The following BNIP1 variants were observed in gnomAD, a reference collection of about 807,000 sequenced individuals.
BNIP1 encodes the protein BCL2 interacting protein 1, also known as vesicle transport protein SEC20.
In BNIP1, 25 loss-of-function variants were observed where a neutral mutation model predicts 28.5. The ratio of observed to expected loss-of-function variants is 0.88; its 90% CI spans 0.64 to 1.23. The LOEUF is 1.23. BNIP1 is among the 50% of genes most tolerant of loss of function. The pLI, the probability that BNIP1 is intolerant of heterozygous loss-of-function variation, is 0.00. For synonymous variants in BNIP1, 118 were observed against 101.7 expected (o/e 1.16, Z -0.96); for missense variants, 276 against 277.0 (o/e 1.00, Z 0.02).
intron 3 of BNIP1, 141 bp downstream of exon 3, chr5:173,154,554 G>A (rs1272640743): frequency 6.4e-5 from 41 of 644,414 alleles, no homozygotes; most frequent in Non-Finnish European, 1.0e-4. Context: ...ACGGTGTCTC[G>A]CTCTATTGCC....
chr5:173,148,135 T>G (rs1177017530), intron 2 of BNIP1, among the ~76,000 whole-genome samples: 1 of 112,064 alleles, frequency 8.9e-6, no homozygotes, highest in Admixed American at 1.0e-4. Context: ...TATATATATA[T>G]ATTTTAATAG....
chr5:173,157,506 C>T (rs1313753088), intron 3 of BNIP1, among the ~76,000 whole-genome samples: 1 of 151,972 alleles, frequency 6.6e-6, no homozygotes, highest in Admixed American at 6.5e-5. Flanking sequence ...CCTCTGCCTC[C>T]TAGATTCAAG....
chr5:173,163,925 C>T lies in BNIP1; in HGVS notation c.*4C>T, dbSNP rs1373627053. On this transcript the variant is annotated 3_prime_UTR_variant, in exon 6 of 6. Coordinates refer to ENST00000351486, the MANE Select transcript of BNIP1 (RefSeq NM_001205.3). ...GCGGCTCTTTCCATTTTTGTGAGAT[C>T]CCAAAGGTGCCAGTTCTGGCCCTTT... The T allele has an allele frequency of 3.1e-6, 5 of 1,596,314 alleles. No homozygotes were observed. In the South Asian group the frequency reaches 3.4e-5, roughly 11 times the overall value.
chr5:173,156,066 G>A (rs1242821873), intron 3 of BNIP1, among the ~76,000 whole-genome samples: 6 of 152,186 alleles, frequency 3.9e-5, no homozygotes, highest in African/African-American at 1.4e-4. Context: ...GGAAGACACC[G>A]ACTGGCAAAA....
At chr5:173,155,486 G>A (rs188545464) in intron 3 of BNIP1, among the ~76,000 whole-genome samples, 6 of 152,312 alleles carry the variant, frequency 3.9e-5, no homozygotes, top group Non-Finnish European at 8.8e-5. Flanking sequence ...AGATCATGAG[G>A]TCAGGAGTTC....
chr5:173,147,462 A>C (rs1477063408), intron 2 of BNIP1, among the ~76,000 whole-genome samples: 1 of 151,882 alleles, frequency 6.6e-6, no homozygotes, highest in Non-Finnish European at 1.5e-5. Context: ...TGAACGAGTG[A>C]ATGGCAGGAA....
At chr5:173,156,729 G>A (rs1760202747) in intron 3 of BNIP1, among the ~76,000 whole-genome samples, 1 of 149,718 alleles carries the variant, frequency 6.7e-6, no homozygotes, top group East Asian at 2.0e-4. Context: ...CTCACTGCAA[G>A]CTCCACCTCC....
chr5:173,147,100 C>G, intron 2 of BNIP1, 142 bp downstream of exon 2: 1 of 632,904 alleles, frequency 1.6e-6, no homozygotes, highest in South Asian at 2.2e-5. Context: ...CTAACCTGCT[C>G]TCCAGGTAAA....
At position 173,159,787 on chromosome 5, in the gene BNIP1, A is replaced by G. The variant is rs1207301421; in HGVS notation, c.372-146A>G. 4.0e-6 allele frequency: 3 copies of G among 746,048 alleles called. No homozygotes were observed. The African/African-American group carries it at 5.3e-5, about 13-fold the overall frequency. 46.2% of individuals were successfully genotyped at this position (746,048 alleles called of 1,614,324 possible). A position where few individuals can be genotyped will look rare whatever the true frequency, so the allele number is the denominator to read the frequency against. ...AGTCCACAGGGGCGTGGGTCTCAGC[A>G]CACCCTTTCCAGCATTGAATGTGAT... On this transcript the variant is annotated intron_variant, in intron 4 of 5. Coordinates refer to ENST00000351486, the MANE Select transcript of BNIP1 (RefSeq NM_001205.3).
At chr5:173,157,423 T>TA (rs1441546455) in intron 3 of BNIP1, among the ~76,000 whole-genome samples, 7 of 152,112 alleles carry the variant, frequency 4.6e-5, no homozygotes, top group African/African-American at 1.7e-4. Flanking sequence ...AACATTTCTT[T>TA]TTTTTTTTGA....
At position 173,163,822 on chromosome 5, in the gene BNIP1, C is replaced by T; in HGVS notation, c.588C>T (p.Arg196=). Residue 196 remains arginine (R), a synonymous_variant, in exon 6 of 6, where the codon CGC becomes CGT. Coordinates refer to ENST00000351486, the MANE Select transcript of BNIP1 (RefSeq NM_001205.3). ...GGAAGCTTATCACAAAATACAATCG[C>T]CGGGAGCTGACGGACAAGCTTCTCA... ...LGRKLITKYN[R]RELTDKLLIF... 1 of 1,613,962 alleles carries T rather than the reference C, an allele frequency of 6.2e-7. No homozygotes were observed. The highest frequency in any genetic ancestry group is 8.5e-7 in the Non-Finnish European group (1 of 1,179,944).
Position 173,146,892 on chromosome 5 carries a change from A to C in BNIP1, c.111A>C (p.Leu37Phe). 6.2e-7 allele frequency: 1 copy of C among 1,613,990 alleles called. No individual in the cohort carries two copies. Among genetic ancestry groups the C allele is most frequent in the Non-Finnish European group, 8.5e-7 (1 of 1,179,910 alleles). The change falls in exon 2 of 6, where the codon TTA becomes TTC. Residue 37 changes from leucine to phenylalanine, a missense_variant. Coordinates refer to ENST00000351486, the MANE Select transcript of BNIP1 (RefSeq NM_001205.3). ...ATATCCGTGATTGTTCAGGACCCTT[A>C]AGTGCTCTTACTGAACTGAATACTA... ...IQDIRDCSGP[L>F]SALTELNTKV...
rs1192312804 is a variant in BNIP1, at chr5:173,154,326, T to G, written c.182T>G (p.Leu61Arg). Residue 61 changes from leucine to arginine, a missense_variant, in exon 3 of 6, where the codon CTG becomes CGG. Leu to Arg is a moderately radical substitution (Grantham distance 102). Coordinates refer to ENST00000351486, the MANE Select transcript of BNIP1 (RefSeq NM_001205.3). ...FQQLRHRIQD[L>R]EQLAKEQDKE... The stretch of plus-strand genomic sequence containing the variant: ...TGGAATTATTTTTCCTCAAAGGACC[T>G]GGAGCAGTTGGCTAAAGAGCAAGAC... The G allele has an allele frequency of 6.2e-7, 1 of 1,613,050 alleles. No individual in the cohort carries two copies. Among genetic ancestry groups the G allele is most frequent in the South Asian group, 1.1e-5 (1 of 90,870 alleles).
At chr5:173,153,576 C>T (rs1366600402) in intron 2 of BNIP1, among the ~76,000 whole-genome samples, 1 of 152,104 alleles carries the variant, frequency 6.6e-6, no homozygotes, top group African/African-American at 2.4e-5. Flanking sequence ...ACGAACCACT[C>T]AGGGAAGATA....
intron 2 of BNIP1, among the ~76,000 whole-genome samples, chr5:173,147,528 C>G (rs946183914): frequency 9.2e-5 from 14 of 152,070 alleles, no homozygotes; most frequent in Non-Finnish European, 1.5e-4. Context: ...ACTTTCTCTT[C>G]TCTGCCATTC....
At chr5:173,151,545 C>CTT in intron 2 of BNIP1, 1 of 1,341,592 alleles carries the variant, frequency 7.5e-7, no homozygotes, top group Non-Finnish European at 1.0e-6. Context: ...AAATAACTGT[C>CTT]ATTTTTTTTT....
chr5:173,147,107 T>C (rs1759861339), intron 2 of BNIP1, 149 bp downstream of exon 2: 2 of 615,872 alleles, frequency 3.2e-6, no homozygotes, highest in South Asian at 2.3e-5. Flanking sequence ...GCTCTCCAGG[T>C]AAAAACGAGA....
At chr5:173,162,526 G>A (rs1581084080) in intron 5 of BNIP1, among the ~76,000 whole-genome samples, 1 of 152,122 alleles carries the variant, frequency 6.6e-6, no homozygotes, top group South Asian at 2.1e-4. Context: ...CTACTGGGGA[G>A]GCTGAGGCAG....
chr5:173,145,409 T>A (rs2113833100), intron 1 of BNIP1, among the ~76,000 whole-genome samples: 1 of 152,336 alleles, frequency 6.6e-6, no homozygotes. Flanking sequence ...CTTGTTTGTT[T>A]TTGTTTTTTT....
Sources: gnomAD v4.1 joint callset for allele counts (sites outside exome capture counted in the v4.1 genomes callset) on GRCh38, gnomAD v4.1.1 for gene constraint, MANE v1.5 for transcripts, NCBI Gene and HGNC (gene_info 2026-07-23, HGNC 2026-07-21) for gene names.